Variants in SLC66A2 observed in about 807,000 individuals in gnomAD.
The protein encoded by SLC66A2 is PQ loop repeat containing 1.
SLC66A2 carries 23 observed loss-of-function variants against 25.5 expected under a neutral mutation model. The ratio of observed to expected loss-of-function variants is 0.90; its 90% CI spans 0.65 to 1.28. The LOEUF (loss-of-function observed/expected upper bound fraction) is 1.28. Among genes scored for constraint, SLC66A2 ranks in the 50% most tolerant of loss-of-function variants. The pLI, the probability that SLC66A2 is intolerant of heterozygous loss-of-function variation, is 0.00. For synonymous variants in SLC66A2, 193 were observed against 166.5 expected (o/e 1.16, Z -1.23); for missense variants, 396 against 373.1 (o/e 1.06, Z -0.51).
At chr18:79,949,665 A>T (rs1003126498) in intron 2 of SLC66A2, 1 of 152,540 alleles carries the variant, frequency 6.6e-6, no homozygotes. Context: ...TCTGTCTCAA[A>T]AAAAAACAAA....
chr18:79,903,897 G>GCACC lies in SLC66A2; in HGVS notation c.*75_*78dup. The GCACC allele has an allele frequency of 7.4e-7, 1 of 1,355,732 alleles. No individual in the cohort carries two copies. Among genetic ancestry groups the GCACC allele is most frequent in the African/African-American group, 1.5e-5 (1 of 67,320 alleles). 84.0% of individuals were successfully genotyped at this position (1,355,732 alleles called of 1,614,324 possible). ...CTCTGCCACACCTGCAGGGGCCACA[G>GCACC]CACCCACCCTCCCCGCGGGGAGGTC... On this transcript the variant is annotated 3_prime_UTR_variant, in exon 6 of 6. Coordinates refer to ENST00000397778, the MANE Select transcript of SLC66A2 (RefSeq NM_025078.5).
In SLC66A2 at chr18:79,918,725, A is replaced by G. The variant is rs1984592681; in HGVS notation, c.608+459T>C. Among the ~76,000 whole-genome samples, 1 of 152,230 alleles carries G rather than the reference A, an allele frequency of 6.6e-6. No homozygotes were observed. The highest frequency in any genetic ancestry group is 1.5e-5 in the Non-Finnish European group (1 of 68,036). The stretch of plus-strand genomic sequence containing the variant: ...TGTGGTTCCGAACGTCAGCCTGCCC[A>G]GCCTTCTACCACATACCTCAGAGGC... On this transcript the variant is annotated intron_variant, in intron 5 of 5. Coordinates refer to ENST00000397778, the MANE Select transcript of SLC66A2 (RefSeq NM_025078.5). The surrounding 1 kb of genome is among the most constrained non-coding windows in gnomAD (Gnocchi z 4.0).
At chr18:79,942,347 TGGCTGGA>T (rs1360400005) in intron 3 of SLC66A2, among the ~76,000 whole-genome samples, 5 of 152,178 alleles carry the variant, frequency 3.3e-5, no homozygotes, top group Non-Finnish European at 5.9e-5. Flanking sequence ...CAGGTCACAC[TGGCTGGA>T]GGCTGGTCTG....
chr18:79,929,098 C>T (rs547019537), intron 4 of SLC66A2, among the ~76,000 whole-genome samples: 8 of 152,300 alleles, frequency 5.3e-5, no homozygotes, highest in South Asian at 2.1e-4. Context: ...ACAGAGACCT[C>T]GGCAGCCAGC....
At chr18:79,934,138 AAAAC>A in intron 3 of SLC66A2, 116 bp from the exon 4 acceptor site, 1 of 827,494 alleles carries the variant, frequency 1.2e-6, no homozygotes, top group African/African-American at 1.7e-5. Flanking sequence ...TAAAAAAAAA[AAAAC>A]AAACCAGAAT....
rs939809269 is a variant in SLC66A2, at chr18:79,904,621, G to C, written c.609-438C>G. Among the ~76,000 whole-genome samples the C allele has an allele frequency of 2.0e-5, 3 of 152,234 alleles. No homozygotes were observed. In the East Asian group the frequency reaches 5.8e-4, roughly 29 times the overall value. On this transcript the variant is annotated intron_variant, in intron 5 of 5. Coordinates refer to ENST00000397778, the MANE Select transcript of SLC66A2 (RefSeq NM_025078.5). This position sits in a 1 kb window ranked among gnomAD's most constrained non-coding sequence, Gnocchi z 6.3. ...TCTGGGAGGGGCCGGGCCTGGGAGG[G>C]TGCTGAGGACGCAGATCTGTGCCCC...
Position 79,943,466 on chromosome 18 carries a change from C to T in SLC66A2, c.204-4G>A, listed in dbSNP as rs143996875. On this transcript the variant is annotated splice_region_variant and splice_polypyrimidine_tract_variant and intron_variant, in intron 2 of 5. Transcript: ENST00000397778. ...GGACTCAAAGCGCCTTCCAAACCTG[C>T]GGGAGAGACACTGTGTCAGGAGGGA... The T allele has an allele frequency of 4.1e-3, 6,568 of 1,612,704 alleles. 15 individuals are homozygous for T. The highest frequency in any genetic ancestry group is 5.1e-3 in the Non-Finnish European group (6,066 of 1,179,094).
At position 79,943,419 on chromosome 18, in the gene SLC66A2, T is replaced by C. The variant is rs1342635542; in HGVS notation, c.247A>G (p.Ile83Val). The change falls in exon 3 of 6, where the codon ATC (isoleucine) becomes GTC (valine). Residue 83 changes from isoleucine to valine, a missense_variant. By Grantham distance (29) the Ile-to-Val change is conservative. Transcript: ENST00000397778. ...FESPLLWQSA[I>V]MILTMLLMLK... ...ATCAGCAGCATGGTCAGGATCATGATGGCGCTCTGCCACAGCAGCGGGGAC... is the reference window on the plus strand; with the variant it reads ...ATCAGCAGCATGGTCAGGATCATGACGGCGCTCTGCCACAGCAGCGGGGAC... 3.7e-6 allele frequency: 6 copies of C among 1,614,076 alleles called. No homozygotes were observed. The Admixed American group carries it at 6.7e-5, about 18-fold the overall frequency.
chr18:79,939,911 C>G (rs778076168), intron 3 of SLC66A2, among the ~76,000 whole-genome samples: 6 of 152,184 alleles, frequency 3.9e-5, no homozygotes, highest in Non-Finnish European at 7.3e-5. Flanking sequence ...TAGACACATG[C>G]ACACATATGT....
chr18:79,925,149 G>A (rs994931675), intron 4 of SLC66A2: 1 of 152,204 alleles, frequency 6.6e-6, no homozygotes, highest in African/African-American at 2.4e-5. Flanking sequence ...ATAAGAGAGA[G>A]GCGCCTGGCA....
intron 4 of SLC66A2, among the ~76,000 whole-genome samples, chr18:79,929,678 AGG>A: frequency 6.6e-6 from 1 of 152,340 alleles, no homozygotes; most frequent in East Asian, 1.9e-4. Flanking sequence ...AAATAACTAA[AGG>A]GATCCATGCA....
In SLC66A2 at chr18:79,950,912, G is replaced by A. The variant is rs772963556; in HGVS notation, c.15C>T (p.Gly5=). The A allele has an allele frequency of 3.8e-6, 6 of 1,573,790 alleles. No individual in the cohort carries two copies. In the South Asian group the frequency reaches 5.7e-5, roughly 15 times the overall value. The stretch of plus-strand genomic sequence containing the variant: ...GCAGTGGCACCAGGAGCCAGTCCAG[G>A]CCCTCGGCCTCCATCGCAGCGCCCG... MEAE[G]LDWLLVPLHQ... is the part of the protein sequence containing the mutation. Residue 5 remains glycine (G), a synonymous_variant, in exon 2 of 6, where the codon GGC becomes GGT. Coordinates refer to ENST00000397778, the MANE Select transcript of SLC66A2 (RefSeq NM_025078.5).
At chr18:79,925,987 A>G (rs1985905333) in intron 4 of SLC66A2, among the ~76,000 whole-genome samples, 2 of 152,212 alleles carry the variant, frequency 1.3e-5, no homozygotes, top group Non-Finnish European at 2.9e-5. Flanking sequence ...CTTGCAGTAA[A>G]GAAGCCGGAC....
chr18:79,927,808 G>A lies in SLC66A2; in HGVS notation c.391+6161C>T, dbSNP rs1266083915. On this transcript the variant is annotated intron_variant, in intron 4 of 5. Coordinates refer to ENST00000397778, the MANE Select transcript of SLC66A2 (RefSeq NM_025078.5). This position sits in a 1 kb window ranked among gnomAD's most constrained non-coding sequence, Gnocchi z 6.2. ...GGCAAGGACAAATCAAGCAACTGCC[G>A]AGACAGGTGTCCGCGTCCCAACCCA... 6.6e-6 allele frequency among the ~76,000 whole-genome samples: 1 copy of A among 152,156 alleles called. No individual in the cohort carries two copies. Among genetic ancestry groups the A allele is most frequent in the South Asian group, 2.1e-4 (1 of 4,826 alleles).
Position 79,931,801 on chromosome 18 carries a change from T to A in SLC66A2, c.391+2168A>T, listed in dbSNP as rs369551563. On this transcript the variant is annotated intron_variant, in intron 4 of 5. Transcript: ENST00000397778. ...GCTGTGGTGGGTGGGTGCCCTGAGCTCTGGAGTTTGAGACCAGCCTGGTAA... is the reference window on the plus strand; with the variant it reads ...GCTGTGGTGGGTGGGTGCCCTGAGCACTGGAGTTTGAGACCAGCCTGGTAA... 6.6e-5 allele frequency among the ~76,000 whole-genome samples: 10 copies of A among 152,244 alleles called. 1 individual carries two copies. Among genetic ancestry groups the A allele is most frequent in the Admixed American group, 4.6e-4 (7 of 15,294 alleles).
At chr18:79,910,923 T>TTTTA (rs1428398131) in intron 5 of SLC66A2, among the ~76,000 whole-genome samples, 1 of 152,222 alleles carries the variant, frequency 6.6e-6, no homozygotes, top group Non-Finnish European at 1.5e-5. Flanking sequence ...GAGAGACAGC[T>TTTTA]TTTAGCTCCC....
At position 79,933,979 on chromosome 18, in the gene SLC66A2, C is replaced by A; in HGVS notation, c.381G>T (p.Arg127=). 1 of 1,612,554 alleles carries A rather than the reference C, an allele frequency of 6.2e-7. No homozygotes were observed. Among genetic ancestry groups the A allele is most frequent in the Non-Finnish European group, 8.5e-7 (1 of 1,179,638 alleles). ...KDEEVKVAPR[R]SFLDFDPHHF... is the part of the protein sequence containing the mutation. ...GCGCAGGGTACATACCCAGGAAGGA[C>A]CGCCTGGGGGCAACCTTGACTTCTT... Residue 127 remains arginine (R), a synonymous_variant, in exon 4 of 6, where the codon CGG becomes CGT. Transcript: ENST00000397778.
At position 79,919,196 on chromosome 18, in the gene SLC66A2, G is replaced by A. The variant is rs773500920; in HGVS notation, c.596C>T (p.Thr199Met). Residue 199 changes from threonine (T) to methionine (M), a missense_variant, in exon 5 of 6, where the codon ACG becomes ATG. Physicochemically the swap from Thr to Met is moderately conservative, Grantham distance 81 (BLOSUM62 -1). Coordinates refer to ENST00000397778, the MANE Select transcript of SLC66A2 (RefSeq NM_025078.5). ...QLYRNHRHQS[T>M]EGMSIKMVLM... Reference sequence around the variant, plus strand: ...ATCCCCGGCCTACCTCATGCCCTCCGTGGACTGGTGGCGGTGGTTGCGGTA... The same window carrying A: ...ATCCCCGGCCTACCTCATGCCCTCCATGGACTGGTGGCGGTGGTTGCGGTA... 17 of 1,612,934 alleles carry A rather than the reference G, an allele frequency of 1.1e-5. No homozygotes were observed. Among genetic ancestry groups the A allele is most frequent in the East Asian group, 4.5e-5 (2 of 44,890 alleles).
chr18:79,926,380 C>G (rs1985951118), intron 4 of SLC66A2, among the ~76,000 whole-genome samples: 1 of 152,122 alleles, frequency 6.6e-6, no homozygotes, highest in Non-Finnish European at 1.5e-5. Context: ...ACAGAGAATG[C>G]CAGAGAGCTT....
Sources: gnomAD v4.1 joint callset for allele counts (sites outside exome capture counted in the v4.1 genomes callset) on GRCh38, gnomAD v4.1.1 for gene constraint, Gnocchi (gnomAD v3.1) non-coding constraint, MANE v1.5 for transcripts, NCBI Gene and HGNC (gene_info 2026-07-23, HGNC 2026-07-21) for gene names.